Variants in TRIM2 observed in about 807,000 individuals in gnomAD.
TRIM2 encodes tripartite motif-containing protein 2.
Under a neutral mutation model 75.2 loss-of-function variants are expected in TRIM2, and 20 were observed. The ratio of observed to expected loss-of-function variants is 0.27; its 90% CI spans 0.19 to 0.39. The LOEUF is 0.39. Ranked by LOEUF, TRIM2 falls within the 10% of genes least tolerant of loss-of-function variation. TRIM2 has a pLI of 1.00. For missense variants in TRIM2, 660 were observed against 990.8 expected, an observed-to-expected ratio of 0.67 and a Z score of 4.48; for synonymous variants, 373 against 388.3, an observed-to-expected ratio of 0.96 and a Z score of 0.46.
chr4:153,155,788 A>C (rs1329868705), intron 1 of TRIM2, among the ~76,000 whole-genome samples: 1 of 152,206 alleles, frequency 6.6e-6, no homozygotes, highest in Non-Finnish European at 1.5e-5. Flanking sequence ...CTTAACTGGT[A>C]TAAGCCCAGG....
At position 153,335,813 on chromosome 4, in the gene TRIM2, C is replaced by T; in HGVS notation, c.*847C>T. On this transcript the variant is annotated 3_prime_UTR_variant, in exon 12 of 12. Transcript: ENST00000338700. ...TCATGTTTTATGTACCATGTTTTCA[C>T]ACGTGTCTCTTCTCTTCGACTTCCT... 1.0e-6 allele frequency: 1 copy of T among 985,868 alleles called. No individual in the cohort carries two copies. Among genetic ancestry groups the T allele is most frequent in the Admixed American group, 6.1e-5 (1 of 16,288 alleles). The allele number at this position is 985,868 out of a possible 1,614,324, so 61.1% of individuals were successfully genotyped here. A position where few individuals can be genotyped will look rare whatever the true frequency, so the allele number is the denominator to read the frequency against.
intron 11 of TRIM2, among the ~76,000 whole-genome samples, chr4:153,329,856 AGAAAT>A (rs996227898): frequency 1.3e-5 from 2 of 152,032 alleles, no homozygotes; most frequent in Admixed American, 1.3e-4. Context: ...AAAAAAAAAA[AGAAAT>A]GAAATTCAAA....
Position 153,322,719 on chromosome 4 carries a change from T to C in TRIM2, c.1854T>C (p.Val618=), listed in dbSNP as rs775194137. Reference sequence around the variant, plus strand: ...TGGACCGCAATGGGCACATTATTGTTGTGGACAACAAGGCGTGCTGCGTGT... The same window carrying C: ...TGGACCGCAATGGGCACATTATTGTCGTGGACAACAAGGCGTGCTGCGTGT... ...VSVDRNGHII[V]VDNKACCVFI... Residue 618 remains valine, a synonymous_variant, in exon 9 of 12, where the codon GTT becomes GTC. Coordinates refer to ENST00000338700, the MANE Select transcript of TRIM2 (RefSeq NM_015271.5). 1 of 1,614,182 alleles carries C rather than the reference T, an allele frequency of 6.2e-7. No homozygotes were observed. Among genetic ancestry groups the C allele is most frequent in the Non-Finnish European group, 8.5e-7 (1 of 1,180,026 alleles).
intron 8 of TRIM2, 152 bp downstream of exon 8, chr4:153,316,151 G>GT: frequency 1.3e-6 from 1 of 753,190 alleles, no homozygotes. Context: ...TGAAGTGAGA[G>GT]TAACAGTGAT....
chr4:153,316,553 A>G (rs902881482), intron 8 of TRIM2, among the ~76,000 whole-genome samples: 2 of 152,216 alleles, frequency 1.3e-5, no homozygotes, highest in African/African-American at 4.8e-5. Context: ...ATCTGAAAAC[A>G]TACGTACATA....
rs77671576 is a variant in TRIM2, at chr4:153,298,795, G to A, written c.1510+2759G>A. ...GTTGGCCAGGCTGGAGTACAGTAGC[G>A]TGATCATGGCTCATTGTAGCCTCTA... On this transcript the variant is annotated intron_variant, in intron 6 of 11. Transcript: ENST00000338700. Among the ~76,000 whole-genome samples the A allele has an allele frequency of 1.5e-3, 228 of 152,226 alleles. No homozygotes were observed. In the East Asian group the frequency reaches 0.016, roughly 11 times the overall value.
intron 1 of TRIM2, among the ~76,000 whole-genome samples, chr4:153,264,201 C>T (rs1754325634): frequency 6.6e-6 from 1 of 152,126 alleles, no homozygotes; most frequent in African/African-American, 2.4e-5. Flanking sequence ...GACAGGGAAC[C>T]TCAGCTAGTC....
At chr4:153,244,417 C>CT (rs1560875524) in intron 1 of TRIM2, among the ~76,000 whole-genome samples, 1 of 87,624 alleles carries the variant, frequency 1.1e-5, no homozygotes, top group Non-Finnish European at 2.2e-5. Flanking sequence ...TCTTCTTCTT[C>CT]TTCTTCTTCT....
Position 153,293,107 on chromosome 4 carries a change from G to A in TRIM2, c.579G>A (p.Gln193=). 1 of 1,610,344 alleles carries A rather than the reference G, an allele frequency of 6.2e-7. No individual in the cohort carries two copies. Among genetic ancestry groups the A allele is most frequent in the Non-Finnish European group, 8.5e-7 (1 of 1,177,180 alleles). ...TGGAACAGCACAAGGCCTCGCTCCA[G>A]GTCCAGCTGGATGCTGTCAACAAAA... ...DVVEQHKASL[Q]VQLDAVNKRL... The change falls in exon 4 of 12, where the codon CAG becomes CAA. Residue 193 remains glutamine (Q), a synonymous_variant. Coordinates refer to ENST00000338700, the MANE Select transcript of TRIM2 (RefSeq NM_015271.5).
intron 1 of TRIM2, among the ~76,000 whole-genome samples, chr4:153,264,467 T>C (rs1754400932): frequency 6.6e-6 from 1 of 152,220 alleles, no homozygotes; most frequent in African/African-American, 2.4e-5. Flanking sequence ...AGCAGTTCTA[T>C]ATTCTGATTT....
chr4:153,318,438 C>T (rs1165198179), intron 8 of TRIM2, among the ~76,000 whole-genome samples: 1 of 152,028 alleles, frequency 6.6e-6, no homozygotes, highest in African/African-American at 2.4e-5. Flanking sequence ...CTTCAATCAC[C>T]CTTGAATTTT....
At chr4:153,191,324 T>C (rs1353830097) in intron 1 of TRIM2, among the ~76,000 whole-genome samples, 1 of 152,268 alleles carries the variant, frequency 6.6e-6, no homozygotes, top group Non-Finnish European at 1.5e-5. Context: ...AGAAAAATTA[T>C]TGGCTTAGCT....
intron 1 of TRIM2, among the ~76,000 whole-genome samples, chr4:153,163,594 C>T (rs1729979178): frequency 6.8e-6 from 1 of 147,634 alleles, no homozygotes; most frequent in Admixed American, 6.9e-5. Flanking sequence ...CTCCGCTTCC[C>T]AGGTTTAAGC....
intron 3 of TRIM2, among the ~76,000 whole-genome samples, chr4:153,289,127 T>C (rs1761309817): frequency 6.6e-6 from 1 of 152,130 alleles, no homozygotes; most frequent in African/African-American, 2.4e-5. Context: ...TGTCCTTTTT[T>C]GTGTGCTTCA....
At chr4:153,206,428 C>T (rs1031901062) in intron 1 of TRIM2, among the ~76,000 whole-genome samples, 18 of 152,178 alleles carry the variant, frequency 1.2e-4, no homozygotes, top group Non-Finnish European at 2.5e-4. Flanking sequence ...TTCCATTTAC[C>T]AGTTTATTAT....
At chr4:153,321,440 T>C (rs945443272) in intron 8 of TRIM2, among the ~76,000 whole-genome samples, 4 of 152,164 alleles carry the variant, frequency 2.6e-5, no homozygotes, top group African/African-American at 9.7e-5. Flanking sequence ...CAAATAGACA[T>C]TTAAATACAC....
chr4:153,165,357 G>T (rs1394722778), intron 1 of TRIM2, among the ~76,000 whole-genome samples: 1 of 152,114 alleles, frequency 6.6e-6, no homozygotes, highest in Non-Finnish European at 1.5e-5. Flanking sequence ...TTGAGACAGG[G>T]TCTCACTCTG....
At position 153,301,538 on chromosome 4, in the gene TRIM2, A is replaced by G. The variant is rs149635148; in HGVS notation, c.1510+5502A>G. 7.3e-3 allele frequency among the ~76,000 whole-genome samples: 1,117 copies of G among 152,264 alleles called. 19 individuals are homozygous for G. Among genetic ancestry groups the G allele is most frequent in the African/African-American group, 0.025 (1,054 of 41,546 alleles). On this transcript the variant is annotated intron_variant, in intron 6 of 11. Transcript: ENST00000338700. Reference sequence around the variant, plus strand: ...TTTTGCTTTTGTTGCCTGTGCTTTCACATTCATATTCAAAAAATCGTTGCC... The same window carrying G: ...TTTTGCTTTTGTTGCCTGTGCTTTCGCATTCATATTCAAAAAATCGTTGCC...
At chr4:153,251,874 G>A (rs545907949) in intron 1 of TRIM2, among the ~76,000 whole-genome samples, 1 of 152,204 alleles carries the variant, frequency 6.6e-6, no homozygotes, top group South Asian at 2.1e-4. Flanking sequence ...CCAGCTACTG[G>A]GGAGACTAAG....
Sources: allele counts gnomAD v4.1 joint callset (sites outside exome capture counted in the v4.1 genomes callset), GRCh38; gene constraint gnomAD v4.1.1; transcripts MANE v1.5; gene names NCBI Gene and HGNC (gene_info 2026-07-23, HGNC 2026-07-21).